Variants in MYH11 observed in about 807,000 individuals in gnomAD.
The protein encoded by MYH11 is myosin-11.
Under a neutral mutation model 246.6 loss-of-function variants are expected in MYH11, and 80 were observed. The ratio of observed to expected loss-of-function variants is 0.32; its 90% CI spans 0.27 to 0.39. The LOEUF (loss-of-function observed/expected upper bound fraction) is 0.39, where lower values mean the gene tolerates loss of function less well. Among genes scored for constraint, MYH11 ranks in the 10% least tolerant of loss-of-function variants. The pLI is 1.00. For synonymous variants in MYH11, 1,071 were observed against 1,015.5 expected (o/e 1.05, Z -1.04); for missense variants, 2,158 against 2,546.8 (o/e 0.85, Z 3.29).
intron 36 of MYH11, 43 bp from the exon 37 acceptor site, chr16:15,718,481 G>A (rs557354837): frequency 1.7e-5 from 26 of 1,536,964 alleles, no homozygotes; most frequent in South Asian, 9.4e-5. Context: ...ACCCTCCCCC[G>A]CCTTAAAAGA....
In MYH11 at chr16:15,710,465, G is replaced by A. The variant is rs188509519; in HGVS notation, c.5786+4444C>T. Among the ~76,000 whole-genome samples the A allele has an allele frequency of 1.8e-3, 267 of 152,250 alleles. 1 individual carries two copies. Among genetic ancestry groups the A allele is most frequent in the Non-Finnish European group, 3.0e-3 (207 of 68,022 alleles). On this transcript the variant is annotated intron_variant, in intron 40 of 40. Coordinates refer to ENST00000300036, the MANE Select transcript of MYH11 (RefSeq NM_002474.3). ...GAACCTGGGAGGCAAAGGTTGCAGT[G>A]AGCCGAGATCGCGCCACTGCACTCC... is the stretch of plus-strand genomic sequence containing the variant.
At chr16:15,829,568 C>A (rs990269804) in intron 2 of MYH11, among the ~76,000 whole-genome samples, 1 of 152,188 alleles carries the variant, frequency 6.6e-6, no homozygotes, top group Admixed American at 6.5e-5. Context: ...TCTGGCCCCA[C>A]GAGCCCCTCT....
At chr16:15,788,979 T>C (rs561411247) in intron 4 of MYH11, among the ~76,000 whole-genome samples, 1 of 152,196 alleles carries the variant, frequency 6.6e-6, no homozygotes, top group East Asian at 1.9e-4. Flanking sequence ...ATCCCATCTC[T>C]TAAGACAGAG....
chr16:15,719,922 C>A (rs375253455), intron 34 of MYH11, among the ~76,000 whole-genome samples: 5 of 152,176 alleles, frequency 3.3e-5, no homozygotes, highest in Non-Finnish European at 2.9e-5. Flanking sequence ...GCCTGAGAAG[C>A]TGAGCCCCTG....
chr16:15,788,081 T>TC (rs1195869653), intron 4 of MYH11, among the ~76,000 whole-genome samples: 1 of 122,366 alleles, frequency 8.2e-6, no homozygotes. Flanking sequence ...GTAGATCTTT[T>TC]TTTTTTTTTT....
intron 4 of MYH11, among the ~76,000 whole-genome samples, chr16:15,796,123 G>T (rs1298573556): frequency 6.6e-6 from 1 of 152,166 alleles, no homozygotes; most frequent in Non-Finnish European, 1.5e-5. Context: ...TGGAGTCAGA[G>T]GAATGGACAG....
At chr16:15,766,332 C>G (rs1310027669) in intron 9 of MYH11, among the ~76,000 whole-genome samples, 1 of 147,426 alleles carries the variant, frequency 6.8e-6, no homozygotes, top group Non-Finnish European at 1.5e-5. Flanking sequence ...GTGAAGTGTA[C>G]CCATGTTTTT....
rs760574476 is a variant in MYH11 at position 15,732,657 on chromosome 16, C to T, written c.3558G>A (p.Glu1186=). 5 of 1,614,132 alleles carry T rather than the reference C, an allele frequency of 3.1e-6. No individual in the cohort carries two copies. In the South Asian group the frequency reaches 5.5e-5, roughly 18 times the overall value. The change falls in exon 27 of 41, where the codon GAG becomes GAA. Residue 1186 remains glutamate, a synonymous_variant. Coordinates refer to ENST00000300036, the MANE Select transcript of MYH11 (RefSeq NM_002474.3). The part of the protein sequence containing the change: ...VTVLKKALDE[E]TRSHEAQVQE... ...GGACCTGAGCCTCATGGGACCGCGTCTCTTCATCCAGGGCCTTCTTCAGCA... is the reference window on the plus strand; with the variant it reads ...GGACCTGAGCCTCATGGGACCGCGTTTCTTCATCCAGGGCCTTCTTCAGCA...
intron 4 of MYH11, 52 bp downstream of exon 4, chr16:15,798,608 T>TA (rs374559754): frequency 0.14 from 128,893 of 951,620 alleles, 137 homozygotes; most frequent in East Asian, 0.15. Context: ...GACTACAGAT[T>TA]AAAAAAAAAA....
At position 15,715,199 on chromosome 16, in the gene MYH11, C is replaced by T; in HGVS notation, c.5578G>A (p.Asp1860Asn). ...KLKEILLQVE[D>N]ERKMAEQYKE... Reference sequence around the variant, plus strand: ...TACTGCTCGGCCATCTTGCGCTCGTCCTCCACCTGCAGCAAGATTTCCTTC... The same window carrying T: ...TACTGCTCGGCCATCTTGCGCTCGTTCTCCACCTGCAGCAAGATTTCCTTC... Residue 1860 changes from aspartate to asparagine, a missense_variant, in exon 39 of 41, where the codon GAC becomes AAC. Physicochemically the swap from Asp to Asn is conservative, Grantham distance 23. Coordinates refer to ENST00000300036, the MANE Select transcript of MYH11 (RefSeq NM_002474.3). 3 of 1,614,056 alleles carry T rather than the reference C, an allele frequency of 1.9e-6. No individual in the cohort carries two copies. Among genetic ancestry groups the T allele is most frequent in the Non-Finnish European group, 2.5e-6 (3 of 1,180,032 alleles).
intron 3 of MYH11, among the ~76,000 whole-genome samples, chr16:15,810,312 G>T (rs1253138210): frequency 6.6e-6 from 1 of 151,994 alleles, no homozygotes; most frequent in Non-Finnish European, 1.5e-5. Flanking sequence ...TGAGATTACA[G>T]GTGTGAACCA....
chr16:15,717,515 C>T (rs888791646), intron 37 of MYH11, 167 bp from the exon 38 acceptor site: 2 of 697,842 alleles, frequency 2.9e-6, no homozygotes, highest in South Asian at 3.7e-5. Flanking sequence ...TTCTTCCAGG[C>T]CGGGCGTGGT....
intron 3 of MYH11, among the ~76,000 whole-genome samples, chr16:15,819,922 G>A (rs965698192): frequency 6.6e-6 from 1 of 152,162 alleles, no homozygotes; most frequent in African/African-American, 2.4e-5. Context: ...CGACGATTCA[G>A]TGGCTTCACC....
At chr16:15,842,093 T>C (rs2044067331) in intron 1 of MYH11, among the ~76,000 whole-genome samples, 1 of 152,158 alleles carries the variant, frequency 6.6e-6, no homozygotes, top group African/African-American at 2.4e-5. Context: ...AAAACTAATT[T>C]TAAGAACCTG....
At chr16:15,711,028 T>G (rs1445994157) in intron 40 of MYH11, 1 of 152,328 alleles carries the variant, frequency 6.6e-6, no homozygotes, top group Non-Finnish European at 1.5e-5. Flanking sequence ...CCCTCAACCC[T>G]GGGAGATGCT....
chr16:15,761,855 A>G (rs1359498303), intron 10 of MYH11, among the ~76,000 whole-genome samples: 1 of 152,252 alleles, frequency 6.6e-6, no homozygotes, highest in African/African-American at 2.4e-5. Context: ...CTGCAAAATT[A>G]TAACTGAGAC....
intron 2 of MYH11, among the ~76,000 whole-genome samples, chr16:15,828,993 G>A (rs1216943341): frequency 6.6e-6 from 1 of 151,926 alleles, no homozygotes; most frequent in Admixed American, 6.6e-5. Flanking sequence ...AGAACAGCCT[G>A]GCTAACATGG....
chr16:15,836,842 A>G lies in MYH11; in HGVS notation c.345+1066T>C, dbSNP rs982608202. ...CGGGTTCAAGCAATTCTCCTGCCTC[A>G]GCCTCTCAAGTAGCTGGGATTACAG... is the stretch of plus-strand genomic sequence containing the variant. On this transcript the variant is annotated intron_variant, in intron 2 of 40. Transcript: ENST00000300036. 8.8e-4 allele frequency among the ~76,000 whole-genome samples: 126 copies of G among 143,644 alleles called. 1 individual carries two copies. The highest frequency in any genetic ancestry group is 3.3e-3 in the African/African-American group (125 of 37,938). The allele number at this position is 143,644 out of a possible 152,430, so 94.2% of individuals were successfully genotyped here. A position where few individuals can be genotyped will look rare whatever the true frequency, so the allele number is the denominator to read the frequency against.
chr16:15,727,168 C>T, intron 27 of MYH11, 114 bp from the exon 28 acceptor site: 2 of 862,494 alleles, frequency 2.3e-6, no homozygotes, highest in Non-Finnish European at 3.8e-6. Context: ...ACAGGGGGCA[C>T]ACAATCACCA....
Sources: gnomAD v4.1 joint callset for allele counts (sites outside exome capture counted in the v4.1 genomes callset) on GRCh38, gnomAD v4.1.1 for gene constraint, MANE v1.5 for transcripts, NCBI Gene and HGNC (gene_info 2026-07-23, HGNC 2026-07-21) for gene names.